ITGA8: variants seen among roughly 807,000 people sequenced by gnomAD.
ITGA8 encodes the protein integrin alpha-8.
A neutral mutation model predicts 142.3 loss-of-function variants in ITGA8; 91 were observed. The ratio of observed to expected loss-of-function variants is 0.64; its 90% CI spans 0.54 to 0.76. The LOEUF is 0.76. Ranked by LOEUF, ITGA8 falls within the 30% of genes least tolerant of loss-of-function variation. The probability of loss-of-function intolerance (pLI) is 0.00; values close to 1 mark genes in which losing one functional copy is unlikely to be tolerated. For missense variants in ITGA8, 1,406 were observed against 1,327.7 expected, an observed-to-expected ratio of 1.06 and a Z score of -0.92; for synonymous variants, 505 against 485.2, an observed-to-expected ratio of 1.04 and a Z score of -0.54.
intron 2 of ITGA8, among the ~76,000 whole-genome samples, chr10:15,692,231 C>A (rs574055107): frequency 6.6e-6 from 1 of 152,026 alleles, no homozygotes; most frequent in African/African-American, 2.4e-5. Context: ...CTGTACCCAG[C>A]CTTATACAGT....
chr10:15,662,326 C>CT (rs200922550), intron 8 of ITGA8, among the ~76,000 whole-genome samples: 3,927 of 72,542 alleles, frequency 0.054, 441 homozygotes, highest in African/African-American at 0.11. Flanking sequence ...TCAGAAGGTC[C>CT]TTTTTTTTTT....
At chr10:15,640,475 T>C (rs1384633028) in intron 13 of ITGA8, among the ~76,000 whole-genome samples, 3 of 152,236 alleles carry the variant, frequency 2.0e-5, no homozygotes, top group Non-Finnish European at 4.4e-5. Flanking sequence ...TCTTTTTAAG[T>C]TCCAAAAAGC....
At chr10:15,558,747 G>C (rs1004884611) in intron 25 of ITGA8, among the ~76,000 whole-genome samples, 2 of 152,116 alleles carry the variant, frequency 1.3e-5, no homozygotes, top group Non-Finnish European at 2.9e-5. Flanking sequence ...ATGACTTTTC[G>C]AAAGTCTGCT....
chr10:15,528,974 C>G (rs1833234015), intron 28 of ITGA8, among the ~76,000 whole-genome samples: 2 of 149,710 alleles, frequency 1.3e-5, no homozygotes, highest in South Asian at 2.1e-4. Flanking sequence ...TTCCTTCTTT[C>G]TTTCCTTCTT....
At chr10:15,600,152 G>A (rs923410256) in intron 20 of ITGA8, among the ~76,000 whole-genome samples, 2 of 152,082 alleles carry the variant, frequency 1.3e-5, no homozygotes, top group African/African-American at 4.8e-5. Context: ...GGGTGCATGT[G>A]CACAACGTGC....
intron 8 of ITGA8, among the ~76,000 whole-genome samples, chr10:15,667,824 C>A (rs1412370204): frequency 6.6e-6 from 1 of 151,998 alleles, no homozygotes; most frequent in Non-Finnish European, 1.5e-5. Flanking sequence ...TGTAGTTGAG[C>A]AGTTTTGAGT....
At chr10:15,640,136 C>T (rs1222441119) in intron 13 of ITGA8, among the ~76,000 whole-genome samples, 1 of 152,210 alleles carries the variant, frequency 6.6e-6, no homozygotes, top group African/African-American at 2.4e-5. Flanking sequence ...TATAAAGCAT[C>T]TTCACTTAGT....
At chr10:15,634,877 G>C (rs76555241) in intron 13 of ITGA8, among the ~76,000 whole-genome samples, 3,002 of 152,124 alleles carry the variant, frequency 0.02, 34 homozygotes, top group Non-Finnish European at 0.026. Context: ...TTATCATGAG[G>C]GGGAGCTGGG....
intron 2 of ITGA8, among the ~76,000 whole-genome samples, chr10:15,694,507 C>A (rs1835009774): frequency 3.8e-5 from 5 of 130,880 alleles, no homozygotes; most frequent in South Asian, 2.3e-4. Flanking sequence ...AAAAATGTAT[C>A]TAATATATTA....
intron 13 of ITGA8, among the ~76,000 whole-genome samples, chr10:15,642,461 C>T (rs2131644572): frequency 6.6e-6 from 1 of 152,234 alleles, no homozygotes; most frequent in Middle Eastern, 3.4e-3. Context: ...TAATTGTTTA[C>T]CTAAAATGCA....
At chr10:15,521,411 C>T (rs1029057030) in intron 28 of ITGA8, among the ~76,000 whole-genome samples, 7 of 152,080 alleles carry the variant, frequency 4.6e-5, no homozygotes, top group African/African-American at 1.4e-4. Context: ...CTTCTTGATC[C>T]GCATCCCCCA....
chr10:15,692,379 TAAAAG>T lies in ITGA8; in HGVS notation c.344-4346_344-4342del, dbSNP rs139735698. 6.7e-3 allele frequency among the ~76,000 whole-genome samples: 1,015 copies of T among 152,318 alleles called. 7 individuals are homozygous for T. Among genetic ancestry groups the T allele is most frequent in the African/African-American group, 0.023 (969 of 41,570 alleles). On this transcript the variant is annotated intron_variant, in intron 2 of 29. Coordinates refer to ENST00000378076, the MANE Select transcript of ITGA8 (RefSeq NM_003638.3). ...TATTCAACCATGACATTTCACAACT[TAAAAG>T]AAGCATTTTCTTAAGATTTGCATTT... is the stretch of plus-strand genomic sequence containing the variant.
At chr10:15,697,049 A>ACACACACACG (rs972422612) in intron 2 of ITGA8, among the ~76,000 whole-genome samples, 25 of 151,336 alleles carry the variant, frequency 1.7e-4, no homozygotes, top group Non-Finnish European at 2.8e-4. Context: ...TCTCTAAAAC[A>ACACACACACG]CACACACACA....
intron 2 of ITGA8, among the ~76,000 whole-genome samples, chr10:15,706,965 C>G (rs112317838): frequency 6.6e-6 from 1 of 152,110 alleles, no homozygotes; most frequent in African/African-American, 2.4e-5. Context: ...TCAAGCACAC[C>G]CACATCTCCA....
chr10:15,659,008 C>T lies in ITGA8; in HGVS notation c.939G>A (p.Thr313=), dbSNP rs768446593. The part of the protein sequence containing the change: ...STDMTFIQNF[T]GEQMASYFGY... ...ATTAAAATGTCTCTACCTGTTCTCC[C>T]GTGAAATTCTGAATAAACGTCATAT... The change falls in exon 10 of 30, where the codon ACG becomes ACA. Residue 313 remains threonine (T), a synonymous_variant. Transcript: ENST00000378076. The T allele has an allele frequency of 1.8e-5, 29 of 1,598,730 alleles. No homozygotes were observed. Among genetic ancestry groups the T allele is most frequent in the South Asian group, 8.9e-5 (8 of 89,524 alleles).
intron 27 of ITGA8, among the ~76,000 whole-genome samples, chr10:15,545,857 C>T (rs7896531): frequency 0.51 from 77,225 of 152,008 alleles, 23,525 homozygotes; most frequent in Middle Eastern, 0.68. Flanking sequence ...CTTTAAAAAA[C>T]GTAATTATTA....
chr10:15,673,779 A>G (rs974283136), intron 6 of ITGA8, among the ~76,000 whole-genome samples: 1 of 150,296 alleles, frequency 6.7e-6, no homozygotes, highest in African/African-American at 2.5e-5. Context: ...AGCAAAAGAG[A>G]AATCCATGGG....
At chr10:15,671,689 C>G in intron 7 of ITGA8, 42 bp from the exon 8 acceptor site, 1 of 1,501,696 alleles carries the variant, frequency 6.7e-7, no homozygotes, top group Non-Finnish European at 9.3e-7. Flanking sequence ...CACTTAATGA[C>G]TTAACCTAAT....
At chr10:15,589,150 C>A (rs1046797747) in intron 22 of ITGA8, among the ~76,000 whole-genome samples, 1 of 152,248 alleles carries the variant, frequency 6.6e-6, no homozygotes, top group South Asian at 2.1e-4. Flanking sequence ...TTCCTCTCTA[C>A]AACTGCACCC....
Sources: gnomAD v4.1 joint callset for allele counts (sites outside exome capture counted in the v4.1 genomes callset) on GRCh38, gnomAD v4.1.1 for gene constraint, MANE v1.5 for transcripts, NCBI Gene and HGNC (gene_info 2026-07-23, HGNC 2026-07-21) for gene names.